VPS13D: variants seen among roughly 807,000 people sequenced by gnomAD.
The protein encoded by VPS13D is intermembrane lipid transfer protein VPS13D.
Under a neutral mutation model 461.9 loss-of-function variants are expected in VPS13D, and 187 were observed. The ratio of observed to expected loss-of-function variants is 0.40; its 90% CI spans 0.36 to 0.46. The LOEUF is 0.46. Among genes scored for constraint, VPS13D ranks in the 20% least tolerant of loss-of-function variants. VPS13D has a pLI of 0.60. For missense variants in VPS13D, 4,711 were observed against 5,364.9 expected (o/e 0.88, Z 3.81); for synonymous variants, 1,951 against 1,986.3 (o/e 0.98, Z 0.47).
chr1:12,377,498 A>G (rs1644215302), intron 55 of VPS13D, among the ~76,000 whole-genome samples: 1 of 152,104 alleles, frequency 6.6e-6, no homozygotes, highest in Non-Finnish European at 1.5e-5. Context: ...CTGTTTCCAA[A>G]ATATTTCTAA....
Position 12,277,230 on chromosome 1 carries a change from T to C in VPS13D, c.3642T>C (p.Asn1214=). ...CAATGGGTAGCACGTTTGACATGAA[T>C]GGTTCTCTTGGCTGTTTACAGCTTA... ...NVSMGSTFDM[N]GSLGCLQLMD... The change falls in exon 19 of 70, where the codon AAT becomes AAC. Residue 1214 remains asparagine (N), a synonymous_variant. Coordinates refer to ENST00000620676, the MANE Select transcript of VPS13D (RefSeq NM_015378.4). The C allele has an allele frequency of 5.0e-6, 8 of 1,614,240 alleles. No individual in the cohort carries two copies. Among genetic ancestry groups the C allele is most frequent in the Non-Finnish European group, 6.8e-6 (8 of 1,180,034 alleles).
At chr1:12,501,213 A>G (rs1646030936) in intron 68 of VPS13D, among the ~76,000 whole-genome samples, 1 of 152,136 alleles carries the variant, frequency 6.6e-6, no homozygotes, top group African/African-American at 2.4e-5. Context: ...CAATCAGGAA[A>G]ATTTTTGAGC....
chr1:12,360,205 G>A (rs903873286), intron 50 of VPS13D, among the ~76,000 whole-genome samples: 2 of 152,124 alleles, frequency 1.3e-5, no homozygotes, highest in African/African-American at 4.8e-5. Flanking sequence ...AGAGGGAGTG[G>A]GCTAAGATAG....
chr1:12,490,006 C>T (rs1325953267), intron 67 of VPS13D, among the ~76,000 whole-genome samples: 1 of 152,142 alleles, frequency 6.6e-6, no homozygotes, highest in Non-Finnish European at 1.5e-5. Context: ...CTACTGCTTC[C>T]CTGCTGTGTT....
At chr1:12,322,058 T>C in intron 33 of VPS13D, 94 bp downstream of exon 33, 1 of 1,417,652 alleles carries the variant, frequency 7.1e-7, no homozygotes, top group Non-Finnish European at 9.6e-7. Context: ...CAACCTCTTT[T>C]TTTGTTTTGT....
chr1:12,494,505 G>A (rs1570281424), intron 67 of VPS13D, among the ~76,000 whole-genome samples: 1 of 152,260 alleles, frequency 6.6e-6, no homozygotes, highest in Non-Finnish European at 1.5e-5. Context: ...CTATTCTGGA[G>A]CTGTCATGAG....
intron 64 of VPS13D, among the ~76,000 whole-genome samples, chr1:12,416,015 T>C (rs1405693804): frequency 6.6e-6 from 1 of 152,098 alleles, no homozygotes; most frequent in African/African-American, 2.4e-5. Context: ...ACCCCATCTC[T>C]ACAAAATATA....
chr1:12,258,069 A>C lies in VPS13D; in HGVS notation c.1076A>C (p.Lys359Thr). The change falls in exon 10 of 70, where the codon AAG becomes ACG. Residue 359 changes from lysine (K) to threonine (T), a missense_variant. Physicochemically the swap from Lys to Thr is moderately conservative, Grantham distance 78. Around this residue, in one of 3 missense-constraint regions of VPS13D, gnomAD observed 4,411 missense variants for 4,937.8 expected, o/e 0.89. Transcript: ENST00000620676. ...AVSYTDKYFNKLKGGLLSTDD... is the reference protein window; with the variant it reads ...AVSYTDKYFNTLKGGLLSTDD... ...TCTTACACTGACAAATATTTCAACA[A>C]GTTAAAAGGAGGCCTGCTGTCCACA... 6.2e-7 allele frequency: 1 copy of C among 1,614,228 alleles called. No individual in the cohort carries two copies. Among genetic ancestry groups the C allele is most frequent in the Non-Finnish European group, 8.5e-7 (1 of 1,180,048 alleles).
chr1:12,483,527 C>T (rs987109916), intron 67 of VPS13D, among the ~76,000 whole-genome samples: 6 of 151,842 alleles, frequency 4.0e-5, no homozygotes, highest in African/African-American at 1.5e-4. Context: ...CTAACCCTTC[C>T]AACAGTTGTC....
chr1:12,466,874 G>A (rs1235697269), intron 67 of VPS13D, among the ~76,000 whole-genome samples: 1 of 152,248 alleles, frequency 6.6e-6, no homozygotes, highest in Non-Finnish European at 1.5e-5. Context: ...TCCAGCTGAA[G>A]GGAAGGGACT....
chr1:12,377,424 T>C (rs1644214490), intron 55 of VPS13D, among the ~76,000 whole-genome samples: 1 of 152,144 alleles, frequency 6.6e-6, no homozygotes, highest in African/African-American at 2.4e-5. Flanking sequence ...TCTCAGTAAG[T>C]ATTATGACTT....
chr1:12,457,740 T>C (rs529747981), intron 66 of VPS13D, among the ~76,000 whole-genome samples: 35 of 152,370 alleles, frequency 2.3e-4, no homozygotes, highest in Non-Finnish European at 4.3e-4. Flanking sequence ...TGGTGAGATT[T>C]GGATCAAAAT....
chr1:12,482,878 A>G (rs1202079265), intron 67 of VPS13D, among the ~76,000 whole-genome samples: 2 of 151,518 alleles, frequency 1.3e-5, no homozygotes, highest in African/African-American at 4.9e-5. Context: ...CAATGGTGCT[A>G]GAACGTCTTT....
In VPS13D at chr1:12,346,771, T is replaced by C. The variant is rs1643685982; in HGVS notation, c.9069+119T>C. On this transcript the variant is annotated intron_variant, in intron 44 of 69. Coordinates refer to ENST00000620676, the MANE Select transcript of VPS13D (RefSeq NM_015378.4). ...TTTATGACATATATGCGATTGAAATTTATCTCTGCCCTTTTCTATTAATGA... is the reference window on the plus strand; with the variant it reads ...TTTATGACATATATGCGATTGAAATCTATCTCTGCCCTTTTCTATTAATGA... The C allele has an allele frequency of 1.0e-5, 10 of 975,010 alleles. No individual in the cohort carries two copies. In the South Asian group the frequency reaches 1.6e-4, roughly 15 times the overall value. 60.4% of individuals were successfully genotyped at this position (975,010 alleles called of 1,614,324 possible). A position where few individuals can be genotyped will look rare whatever the true frequency, so the allele number is the denominator to read the frequency against.
intron 30 of VPS13D, among the ~76,000 whole-genome samples, chr1:12,317,136 G>C (rs1446907470): frequency 1.3e-5 from 2 of 151,984 alleles, no homozygotes; most frequent in Admixed American, 1.3e-4. Context: ...TCTAGTACTA[G>C]TGTGTGTAAA....
At chr1:12,396,680 A>G (rs1463714717) in intron 60 of VPS13D, among the ~76,000 whole-genome samples, 3 of 152,156 alleles carry the variant, frequency 2.0e-5, no homozygotes, top group African/African-American at 7.2e-5. Context: ...TTAACATGTC[A>G]TGCGATTCCA....
rs202164439 is a variant in VPS13D at position 12,277,961 on chromosome 1, G to T, written c.4373G>T (p.Gly1458Val). The change falls in exon 19 of 70, where the codon GGG becomes GTG. Residue 1458 changes from glycine (G) to valine (V), a missense_variant. By Grantham distance (109) the Gly-to-Val change is moderately radical. Around this residue, in one of 3 missense-constraint regions of VPS13D, gnomAD observed 4,411 missense variants for 4,937.8 expected, o/e 0.89. Transcript: ENST00000620676. The stretch of plus-strand genomic sequence containing the variant: ...AGCCGGATGTTTTGCCCACCTTCCG[G>T]GTCTGGCAGTGCCAACAGTCAGGAG... ...EGSRMFCPPS[G>V]SGSANSQEEA... The T allele has an allele frequency of 5.1e-5, 82 of 1,614,182 alleles. No individual in the cohort carries two copies. Among genetic ancestry groups the T allele is most frequent in the Non-Finnish European group, 6.6e-5 (78 of 1,180,028 alleles).
rs1166466612 is a variant in VPS13D at position 12,258,029 on chromosome 1, G to T, written c.1036G>T (p.Ala346Ser). ...RCTWDFMLHR[A>S]RDAVSYTDKY... ...CACCTGGGACTTTATGTTGCACCGC[G>T]CTCGTGATGCTGTATCTTACACTGA... The change falls in exon 10 of 70, where the codon GCT (alanine) becomes TCT (serine). Residue 346 changes from alanine to serine, a missense_variant. Ala to Ser is a moderately conservative substitution (Grantham distance 99). This residue lies in a region of VPS13D where 4,411 missense variants were observed against 4,937.8 expected (regional missense o/e 0.89). Transcript: ENST00000620676. The T allele has an allele frequency of 1.2e-6, 2 of 1,614,064 alleles. No individual in the cohort carries two copies. The highest frequency in any genetic ancestry group is 1.7e-6 in the Non-Finnish European group (2 of 1,180,044).
chr1:12,359,462 GAAGT>G (rs1467770777), intron 50 of VPS13D, among the ~76,000 whole-genome samples: 1 of 152,164 alleles, frequency 6.6e-6, no homozygotes, highest in Non-Finnish European at 1.5e-5. Flanking sequence ...ACATTAGTGA[GAAGT>G]AAGGCAAGTA....
Sources: allele counts gnomAD v4.1 joint callset (sites outside exome capture counted in the v4.1 genomes callset), GRCh38; gene constraint gnomAD v4.1.1; regional missense constraint gnomAD v4.1.1; transcripts MANE v1.5; gene names NCBI Gene and HGNC (gene_info 2026-07-23, HGNC 2026-07-21).